The following EIF2AK4 variants were observed in gnomAD, a reference collection of about 807,000 sequenced individuals.
The protein encoded by EIF2AK4 is eIF-2-alpha kinase GCN2.
Under a neutral mutation model 211.1 loss-of-function variants are expected in EIF2AK4, and 139 were observed. The ratio of observed to expected loss-of-function variants is 0.66; its 90% CI spans 0.57 to 0.76. The LOEUF (loss-of-function observed/expected upper bound fraction) is 0.76, where lower values mean the gene tolerates loss of function less well. Among genes scored for constraint, EIF2AK4 ranks in the 30% least tolerant of loss-of-function variants. The pLI is 0.00. For synonymous variants in EIF2AK4, 710 were observed against 751.3 expected (o/e 0.94, Z 0.90); for missense variants, 1,664 against 2,043.8 (o/e 0.81, Z 3.58).
rs370147720 is a variant in EIF2AK4, at chr15:39,967,431, C to T, written c.1105C>T (p.Gln369Ter). 6.2e-7 allele frequency: 1 copy of T among 1,613,576 alleles called. No homozygotes were observed. The highest frequency in any genetic ancestry group is 1.1e-5 in the South Asian group (1 of 91,052). ...VRYLAMNLKE[Q>*]DDSIVVDILV... Reference sequence around the variant, plus strand: ...CTACCTTGCAATGAATCTCAAAGAGCAAGACGACTCCATCGTGGTGGACAT... The same window carrying T: ...CTACCTTGCAATGAATCTCAAAGAGTAAGACGACTCCATCGTGGTGGACAT... The change falls in exon 9 of 39, where the codon CAA becomes TAA. Residue 369 changes from glutamine (Q) to a stop codon, truncating the protein, a stop_gained. Coordinates refer to ENST00000263791, the MANE Select transcript of EIF2AK4 (RefSeq NM_001013703.4). LOFTEE classifies it high-confidence loss of function.
chr15:39,956,288 G>C (rs1309556295), intron 6 of EIF2AK4, among the ~76,000 whole-genome samples: 1 of 152,190 alleles, frequency 6.6e-6, no homozygotes, highest in Non-Finnish European at 1.5e-5. Context: ...ACAGGCATGA[G>C]CCACCACACC....
intron 3 of EIF2AK4, chr15:39,946,729 C>G: frequency 1.5e-6 from 1 of 689,400 alleles, no homozygotes; most frequent in Non-Finnish European, 2.7e-6. Flanking sequence ...TTGTTGTCTT[C>G]TTTTAAGAAA....
intron 32 of EIF2AK4, among the ~76,000 whole-genome samples, chr15:40,024,160 A>G (rs1371373045): frequency 6.6e-6 from 1 of 151,848 alleles, no homozygotes; most frequent in Non-Finnish European, 1.5e-5. Context: ...CTTGTTCTGA[A>G]ATCTTTTGGT....
intron 29 of EIF2AK4, among the ~76,000 whole-genome samples, chr15:40,018,641 G>A (rs1230748079): frequency 6.6e-6 from 1 of 151,974 alleles, no homozygotes; most frequent in African/African-American, 2.4e-5. Flanking sequence ...AAATTATTTA[G>A]TAACATTAAG....
Position 40,035,006 on chromosome 15 carries a change from ATCTTT to A in EIF2AK4, c.4893-9_4893-5del, listed in dbSNP as rs138634589. On this transcript the variant is annotated splice_polypyrimidine_tract_variant and intron_variant, in intron 38 of 38. Coordinates refer to ENST00000263791, the MANE Select transcript of EIF2AK4 (RefSeq NM_001013703.4). ...CTCATTAAACTGAGTCTGTCCTTAT[ATCTTT>A]TCTTTTCTTTTGCAGGGTGTCTGTG... is the stretch of plus-strand genomic sequence containing the variant. 4.8e-3 allele frequency: 7,476 copies of A among 1,568,772 alleles called. 207 individuals are homozygous for A. In the East Asian group the frequency reaches 0.083, roughly 17 times the overall value.
At position 40,017,501 on chromosome 15, in the gene EIF2AK4, CTATATATATATATATATATATATATA is replaced by C. The variant is rs202237104; in HGVS notation, c.4065+287_4065+312del. Among the ~76,000 whole-genome samples the C allele has an allele frequency of 3.1e-3, 82 of 26,128 alleles. 4 individuals are homozygous for C. The highest frequency in any genetic ancestry group is 0.021 in the Middle Eastern group (1 of 48). 17.1% of individuals were successfully genotyped at this position (26,128 alleles called of 152,430 possible). ...GGCTCATGTACCCTTTACTCTGTTT[CTATATATATATATATATATATATATA>C]TATATATATATATATATATATATAT... On this transcript the variant is annotated intron_variant, in intron 29 of 38. Transcript: ENST00000263791.
At chr15:39,942,890 A>G (rs2034166533) in intron 2 of EIF2AK4, among the ~76,000 whole-genome samples, 1 of 152,218 alleles carries the variant, frequency 6.6e-6, no homozygotes, top group Admixed American at 6.5e-5. Context: ...AGCACACCTG[A>G]ATGCAGAGCG....
At chr15:40,010,083 A>T (rs868171333) in intron 26 of EIF2AK4, among the ~76,000 whole-genome samples, 5 of 152,226 alleles carry the variant, frequency 3.3e-5, no homozygotes, top group Admixed American at 6.5e-5. Context: ...ATTGGTCCTG[A>T]TACTTGCCAA....
At chr15:40,017,882 T>C (rs111467540) in intron 29 of EIF2AK4, among the ~76,000 whole-genome samples, 119 of 152,004 alleles carry the variant, frequency 7.8e-4, no homozygotes, top group African/African-American at 2.7e-3. Flanking sequence ...AACCAGAAAA[T>C]TGACATTTGT....
chr15:39,953,957 GA>G lies in EIF2AK4; in HGVS notation c.574del (p.Arg192GlyfsTer43). On this transcript the variant is annotated frameshift_variant, in exon 5 of 39. Coordinates refer to ENST00000263791, the MANE Select transcript of EIF2AK4 (RefSeq NM_001013703.4). LOFTEE classifies it high-confidence loss of function. The stretch of plus-strand genomic sequence containing the variant: ...GAAGGAAAGAAGAGATAAAAGAAGA[GA>G]AAAAAAGGAAAGAAATGGCTAAGCA... ...QRRKEEIKEE[K>X]KRKEMAKQER... The G allele has an allele frequency of 1.9e-6, 3 of 1,601,520 alleles. No homozygotes were observed. Among genetic ancestry groups the G allele is most frequent in the Non-Finnish European group, 8.5e-7 (1 of 1,175,906 alleles).
chr15:40,028,965 C>A (rs1197421412), intron 33 of EIF2AK4, among the ~76,000 whole-genome samples: 2 of 152,218 alleles, frequency 1.3e-5, no homozygotes, highest in African/African-American at 4.8e-5. Context: ...GAAAGAACAT[C>A]CATTCACGGC....
chr15:39,960,265 AAG>A (rs1005243161), intron 6 of EIF2AK4, among the ~76,000 whole-genome samples: 7 of 152,108 alleles, frequency 4.6e-5, no homozygotes, highest in Non-Finnish European at 8.8e-5. Flanking sequence ...GGTTTGAGGA[AAG>A]AGAGGATGTG....
intron 18 of EIF2AK4, among the ~76,000 whole-genome samples, chr15:39,994,402 G>A (rs1199825294): frequency 2.0e-5 from 3 of 152,142 alleles, no homozygotes; most frequent in Non-Finnish European, 2.9e-5. Flanking sequence ...GAGCTCAGGA[G>A]TTCAAAACCA....
At chr15:39,965,903 A>T in intron 8 of EIF2AK4, 60 bp downstream of exon 8, 1 of 1,588,968 alleles carries the variant, frequency 6.3e-7, no homozygotes, top group East Asian at 2.2e-5. Context: ...AGGAGATGAC[A>T]GAACAAAATA....
chr15:39,990,805 A>G (rs1163948640), intron 16 of EIF2AK4, among the ~76,000 whole-genome samples: 2 of 152,242 alleles, frequency 1.3e-5, no homozygotes, highest in African/African-American at 4.8e-5. Context: ...GTGGCATTTC[A>G]GATGTCCTTA....
rs190850354 is a variant in EIF2AK4, at chr15:39,986,425, C to T, written c.2403+537C>T. Among the ~76,000 whole-genome samples the T allele has an allele frequency of 1.2e-4, 19 of 152,352 alleles. No individual in the cohort carries two copies. In the East Asian group the frequency reaches 3.7e-3, roughly 29 times the overall value. On this transcript the variant is annotated intron_variant, in intron 14 of 38. Transcript: ENST00000263791. ...TTAGGCAAAGTGGCTTGACCAGGAACCTCTGGAGACCAGTGCACAGGCAAG... is the reference window on the plus strand; with the variant it reads ...TTAGGCAAAGTGGCTTGACCAGGAATCTCTGGAGACCAGTGCACAGGCAAG...
chr15:39,977,507 G>A (rs1366197918), intron 12 of EIF2AK4: 1 of 152,040 alleles, frequency 6.6e-6, no homozygotes, highest in African/African-American at 2.4e-5. Flanking sequence ...ACCTGTCCAT[G>A]GCCTGGAGGT....
In EIF2AK4 at chr15:40,003,047, A is replaced by T. The variant is rs1196735207; in HGVS notation, c.3236-146A>T. On this transcript the variant is annotated intron_variant, in intron 22 of 38. Transcript: ENST00000263791. ...TTAACTCTAGATGAGCTCTCTATTT[A>T]TAAATTTAGAGAACTCAAGAAAAAT... 6.4e-6 allele frequency: 8 copies of T among 1,246,116 alleles called. No homozygotes were observed. In the African/African-American group the frequency reaches 1.1e-4, roughly 17 times the overall value. The allele number at this position is 1,246,116 out of a possible 1,614,324, so 77.2% of individuals were successfully genotyped here. A position where few individuals can be genotyped will look rare whatever the true frequency, so the allele number is the denominator to read the frequency against.
chr15:40,020,707 T>G, intron 30 of EIF2AK4, 192 bp from the exon 31 acceptor site: 2 of 352,272 alleles, frequency 5.7e-6, no homozygotes, highest in Non-Finnish European at 1.0e-5. Context: ...AAAGAAAAAG[T>G]TGTTTGAGTG....
Sources: gnomAD v4.1 joint callset for allele counts (sites outside exome capture counted in the v4.1 genomes callset) on GRCh38, gnomAD v4.1.1 for gene constraint, MANE v1.5 for transcripts, NCBI Gene and HGNC (gene_info 2026-07-23, HGNC 2026-07-21) for gene names.